GLG1: variants seen among roughly 807,000 people sequenced by gnomAD.
The protein encoded by GLG1 is Golgi apparatus protein 1.
A neutral mutation model predicts 160.5 loss-of-function variants in GLG1; 38 were observed. The ratio of observed to expected loss-of-function variants is 0.24; its 90% CI spans 0.18 to 0.31. The LOEUF (loss-of-function observed/expected upper bound fraction) is 0.31, where lower values mean the gene tolerates loss of function less well. GLG1 is among the 10% of genes least tolerant of loss of function. The pLI is 1.00. For synonymous variants in GLG1, 644 were observed against 543.4 expected (o/e 1.19, Z -2.57); for missense variants, 1,373 against 1,505.2 (o/e 0.91, Z 1.45).
At chr16:74,518,429 G>A (rs896771669) in intron 2 of GLG1, among the ~76,000 whole-genome samples, 6 of 152,144 alleles carry the variant, frequency 3.9e-5, no homozygotes, top group African/African-American at 9.7e-5. Context: ...TGACAAACCT[G>A]ACACACGTAA....
chr16:74,560,431 G>A (rs1256781983), intron 1 of GLG1, among the ~76,000 whole-genome samples: 2 of 149,750 alleles, frequency 1.3e-5, no homozygotes, highest in African/African-American at 2.5e-5. Context: ...AGGTTCAAGC[G>A]ATTCTGCCAC....
chr16:74,468,087 C>A (rs970958845), intron 17 of GLG1: 2 of 419,900 alleles, frequency 4.8e-6, no homozygotes, highest in Admixed American at 4.3e-5. Context: ...TTATTTAGTC[C>A]TTCACAGGAC....
intron 17 of GLG1, chr16:74,468,604 C>T (rs534090331): frequency 2.4e-4 from 56 of 232,216 alleles, no homozygotes; most frequent in African/African-American, 1.1e-3. Flanking sequence ...TGACCTCAAG[C>T]GATCCACCTG....
chr16:74,498,868 C>CA (rs57372225), intron 4 of GLG1, among the ~76,000 whole-genome samples: 1,035 of 75,826 alleles, frequency 0.014, 86 homozygotes, highest in African/African-American at 0.017. Context: ...CCGTCTCAGG[C>CA]AAAAAAAAAA....
chr16:74,455,571 C>G (rs548747006), intron 25 of GLG1, among the ~76,000 whole-genome samples: 11 of 152,316 alleles, frequency 7.2e-5, no homozygotes, highest in African/African-American at 2.2e-4. Context: ...CAGGAGCCCT[C>G]CCTTGTACCT....
At chr16:74,568,318 A>G (rs1470065926) in intron 1 of GLG1, among the ~76,000 whole-genome samples, 1 of 152,194 alleles carries the variant, frequency 6.6e-6, no homozygotes, top group Non-Finnish European at 1.5e-5. Context: ...CTATTACTAT[A>G]AAAGAATCAT....
At chr16:74,504,985 A>G (rs1469563482) in intron 3 of GLG1, among the ~76,000 whole-genome samples, 1 of 152,268 alleles carries the variant, frequency 6.6e-6, no homozygotes, top group Non-Finnish European at 1.5e-5. Context: ...GGGGAAATTA[A>G]GACAAACTGA....
At chr16:74,522,468 G>A (rs1296842465) in intron 2 of GLG1, among the ~76,000 whole-genome samples, 4 of 152,140 alleles carry the variant, frequency 2.6e-5, no homozygotes, top group African/African-American at 4.8e-5. Flanking sequence ...ATTACTAAGC[G>A]AAGTTAAGCA....
intron 14 of GLG1, 77 bp from the exon 15 acceptor site, chr16:74,471,363 T>C: frequency 1.2e-6 from 1 of 822,124 alleles, no homozygotes; most frequent in Non-Finnish European, 2.1e-6. Flanking sequence ...CCGAAACAAA[T>C]GCAAGCAAGG....
chr16:74,524,334 G>GTTGC (rs2017269610), intron 2 of GLG1, among the ~76,000 whole-genome samples: 2 of 152,020 alleles, frequency 1.3e-5, no homozygotes, highest in African/African-American at 4.8e-5. Context: ...ACTATGTCTT[G>GTTGC]TTGCCAATCT....
chr16:74,519,766 T>G (rs1193919034), intron 2 of GLG1, among the ~76,000 whole-genome samples: 1 of 152,082 alleles, frequency 6.6e-6, no homozygotes, highest in African/African-American at 2.4e-5. Context: ...TTACGTTAAT[T>G]ACCTCCATAT....
intron 22 of GLG1, among the ~76,000 whole-genome samples, chr16:74,461,310 G>T (rs1169177973): frequency 6.6e-6 from 1 of 151,178 alleles, no homozygotes. Context: ...TGGGACTACA[G>T]GTATACGCCA....
At chr16:74,559,996 A>C (rs2143733495) in intron 1 of GLG1, among the ~76,000 whole-genome samples, 1 of 152,354 alleles carries the variant, frequency 6.6e-6, no homozygotes, top group African/African-American at 2.4e-5. Flanking sequence ...AATCTGTCAC[A>C]ACTAAAGAAC....
At chr16:74,603,159 C>G (rs1451259896) in intron 1 of GLG1, among the ~76,000 whole-genome samples, 1 of 151,914 alleles carries the variant, frequency 6.6e-6, no homozygotes, top group Non-Finnish European at 1.5e-5. Flanking sequence ...TGACTGTAAT[C>G]CCAGCACTTT....
chr16:74,569,874 A>G (rs1334251664), intron 1 of GLG1, among the ~76,000 whole-genome samples: 4 of 149,942 alleles, frequency 2.7e-5, no homozygotes, highest in Non-Finnish European at 5.9e-5. Flanking sequence ...AAAAAAAAAA[A>G]GAAAAAAAAA....
At chr16:74,494,177 A>AC (rs1403003992) in intron 6 of GLG1, among the ~76,000 whole-genome samples, 1 of 150,396 alleles carries the variant, frequency 6.6e-6, no homozygotes, top group Non-Finnish European at 1.5e-5. Context: ...CCACTCAAAA[A>AC]AAAACAAAAA....
intron 5 of GLG1, among the ~76,000 whole-genome samples, chr16:74,496,049 A>G (rs1156829380): frequency 6.6e-6 from 1 of 152,208 alleles, no homozygotes; most frequent in Non-Finnish European, 1.5e-5. Flanking sequence ...AGATCACCTC[A>G]GGCCAGGGGT....
At chr16:74,464,912 G>C (rs1005332144) in intron 19 of GLG1, among the ~76,000 whole-genome samples, 1 of 151,996 alleles carries the variant, frequency 6.6e-6, no homozygotes, top group Non-Finnish European at 1.5e-5. Context: ...GCATGACCTT[G>C]GCTCACTGCA....
rs1320617628 is a variant in GLG1, at chr16:74,454,409, C to G, written c.3373-1075G>C. 3.3e-5 allele frequency among the ~76,000 whole-genome samples: 5 copies of G among 151,258 alleles called. No individual in the cohort carries two copies. The East Asian group carries it at 1.0e-3, about 30-fold the overall frequency. On this transcript the variant is annotated intron_variant, in intron 25 of 25. Transcript: ENST00000422840. Reference sequence around the variant, plus strand: ...TTTGGCCAGGCATGGTGGCTCACGCCTGTAATCCCAGCACTTTGGGAGGCT... The same window carrying G: ...TTTGGCCAGGCATGGTGGCTCACGCGTGTAATCCCAGCACTTTGGGAGGCT...
Sources: allele counts gnomAD v4.1 joint callset (sites outside exome capture counted in the v4.1 genomes callset), GRCh38; gene constraint gnomAD v4.1.1; transcripts MANE v1.5; gene names NCBI Gene and HGNC (gene_info 2026-07-23, HGNC 2026-07-21).